The following OR3A2 variants were observed in gnomAD, a reference collection of about 807,000 sequenced individuals.
The protein encoded by OR3A2 is olfactory receptor family 3 subfamily A member 2.
For missense variants in OR3A2, 318 were observed against 392.8 expected (o/e 0.81, Z 1.61); for synonymous variants, 126 against 159.3 (o/e 0.79, Z 1.57).
At chr17:3,358,581 A>G (rs2049481879) in intron 2 of OR3A2, among the ~76,000 whole-genome samples, 1 of 151,586 alleles carries the variant, frequency 6.6e-6, no homozygotes, top group African/African-American at 2.4e-5. Context: ...ATGTAATTGC[A>G]TGGTTTTGAG....
At chr17:3,370,834 G>C (rs895329583) in intron 2 of OR3A2, among the ~76,000 whole-genome samples, 2 of 151,720 alleles carry the variant, frequency 1.3e-5, no homozygotes, top group African/African-American at 4.8e-5. Flanking sequence ...GACTCTTAAC[G>C]AGCATGCTGC....
rs528675925 is a variant in OR3A2 at position 3,354,517 on chromosome 17, T to C, written c.-178-18391A>G. ...TTTATGGTTTGATCTTGGTAGGTTG[T>C]ATGTGTCTAGATTTTTGAATTTATT... On this transcript the variant is annotated intron_variant, in intron 2 of 4. Coordinates refer to the OR3A2 transcript ENST00000573491. Among the ~76,000 whole-genome samples, 5 of 151,430 alleles carry C rather than the reference T, an allele frequency of 3.3e-5. No homozygotes were observed. In the South Asian group the frequency reaches 1.0e-3, roughly 31 times the overall value.
intron 3 of OR3A2, among the ~76,000 whole-genome samples, chr17:3,293,333 A>G (rs558218223): frequency 2.0e-5 from 3 of 152,278 alleles, no homozygotes; most frequent in Admixed American, 6.5e-5. Context: ...CTATAGATAA[A>G]GCATAAAACT....
At chr17:3,347,284 T>G (rs758651343) in intron 2 of OR3A2, among the ~76,000 whole-genome samples, 9 of 152,144 alleles carry the variant, frequency 5.9e-5, no homozygotes, top group Non-Finnish European at 1.0e-4. Flanking sequence ...AGGGTACATG[T>G]GCACAATATG....
chr17:3,360,850 G>A (rs1206344037), intron 2 of OR3A2, among the ~76,000 whole-genome samples: 14 of 151,774 alleles, frequency 9.2e-5, no homozygotes, highest in South Asian at 4.2e-4. Flanking sequence ...GTCAGATAGC[G>A]TGATGCCTCC....
intron 2 of OR3A2, among the ~76,000 whole-genome samples, chr17:3,361,217 T>G (rs1156394106): frequency 6.7e-6 from 1 of 148,842 alleles, no homozygotes; most frequent in Non-Finnish European, 1.5e-5. Context: ...TGGCTGTTTG[T>G]CTGTTGTTGG....
chr17:3,292,355 G>A, intron 3 of OR3A2: 1 of 1,614,136 alleles, frequency 6.2e-7, no homozygotes, highest in South Asian at 1.1e-5. Context: ...TGACGCTGAT[G>A]CACCCAACAT....
At chr17:3,326,260 T>C (rs377075938) in intron 3 of OR3A2, among the ~76,000 whole-genome samples, 17 of 152,252 alleles carry the variant, frequency 1.1e-4, no homozygotes, top group African/African-American at 3.9e-4. Flanking sequence ...TATGTGTGCA[T>C]GTATCTTTAT....
At chr17:3,281,417 G>C (rs1358425814) in intron 1 of OR3A2, among the ~76,000 whole-genome samples, 1 of 151,962 alleles carries the variant, frequency 6.6e-6, no homozygotes, top group East Asian at 1.9e-4. Flanking sequence ...TGTATTTTTA[G>C]TAGAGATGGG....
chr17:3,330,470 C>T (rs975161128), intron 3 of OR3A2, among the ~76,000 whole-genome samples: 1 of 151,934 alleles, frequency 6.6e-6, no homozygotes. Flanking sequence ...TATGTAATGG[C>T]CTTCTTTGTC....
At chr17:3,299,770 C>A (rs777075938) in intron 3 of OR3A2, among the ~76,000 whole-genome samples, 34 of 152,164 alleles carry the variant, frequency 2.2e-4, no homozygotes, top group Non-Finnish European at 4.6e-4. Context: ...GCCTTAGGAC[C>A]AGCTGCTCAG....
chr17:3,350,338 T>C (rs1218941648), intron 2 of OR3A2, among the ~76,000 whole-genome samples: 1 of 149,248 alleles, frequency 6.7e-6, no homozygotes, highest in Non-Finnish European at 1.5e-5. Context: ...CAATAAAAAA[T>C]GATAAAGGGG....
At chr17:3,378,013 T>C (rs1458211490) in intron 2 of OR3A2, among the ~76,000 whole-genome samples, 2 of 152,292 alleles carry the variant, frequency 1.3e-5, no homozygotes, top group East Asian at 3.9e-4. Context: ...GAAAGCACCA[T>C]CTGATTGGCT....
chr17:3,292,256 C>T (rs758609296), intron 3 of OR3A2: 2 of 1,614,124 alleles, frequency 1.2e-6, no homozygotes, highest in South Asian at 2.2e-5. Flanking sequence ...CTCCAACGAA[C>T]AGATGGAAGA....
intron 2 of OR3A2, among the ~76,000 whole-genome samples, chr17:3,365,196 T>C (rs1436132911): frequency 1.3e-5 from 2 of 152,088 alleles, no homozygotes; most frequent in Non-Finnish European, 2.9e-5. Context: ...AATTCATAGT[T>C]CCCGACTGTA....
At chr17:3,319,145 T>C (rs978886883) in intron 3 of OR3A2, among the ~76,000 whole-genome samples, 1 of 152,134 alleles carries the variant, frequency 6.6e-6, no homozygotes, top group African/African-American at 2.4e-5. Flanking sequence ...CTCCACTAAT[T>C]AATTCATTTA....
chr17:3,355,792 G>C (rs1443766398), intron 2 of OR3A2, among the ~76,000 whole-genome samples: 1 of 151,302 alleles, frequency 6.6e-6, no homozygotes, highest in Non-Finnish European at 1.5e-5. Context: ...TTTGGTTGGA[G>C]AGTTTAGTTC....
chr17:3,282,870 T>A (rs1007433211), intron 1 of OR3A2, among the ~76,000 whole-genome samples: 2 of 152,322 alleles, frequency 1.3e-5, no homozygotes, highest in African/African-American at 4.8e-5. Flanking sequence ...CATGCTGTTT[T>A]CCCCACCTGC....
intron 3 of OR3A2, among the ~76,000 whole-genome samples, chr17:3,333,363 T>C (rs146689406): frequency 1.1e-4 from 17 of 152,302 alleles, no homozygotes; most frequent in African/African-American, 3.1e-4. Flanking sequence ...CAGCTGAACA[T>C]AGACCCTCAT....
Sources: gnomAD v4.1 joint callset for allele counts (sites outside exome capture counted in the v4.1 genomes callset) on GRCh38, gnomAD v4.1.1 for gene constraint, MANE v1.5 for transcripts, NCBI Gene and HGNC (gene_info 2026-07-23, HGNC 2026-07-21) for gene names.